DCDC1: variants seen among roughly 807,000 people sequenced by gnomAD.
DCDC1 encodes doublecortin domain-containing protein 1.
Under a neutral mutation model 178.3 loss-of-function variants are expected in DCDC1, and 200 were observed. The observed-to-expected ratio is 1.12, with a 90% CI of 1.00 to 1.26. The LOEUF (loss-of-function observed/expected upper bound fraction) is 1.26, where lower values mean the gene tolerates loss of function less well. Ranked by LOEUF, DCDC1 falls within the 50% of genes most tolerant of loss-of-function variation. DCDC1 has a pLI of 0.00. For missense variants in DCDC1, 1,983 were observed against 1,749.2 expected, an observed-to-expected ratio of 1.13 and a Z score of -2.38; for synonymous variants, 690 against 604.8, an observed-to-expected ratio of 1.14 and a Z score of -2.07.
chr11:30,980,537 G>C (rs1456474488), intron 20 of DCDC1, among the ~76,000 whole-genome samples: 2 of 152,198 alleles, frequency 1.3e-5, no homozygotes, highest in Admixed American at 6.5e-5. Flanking sequence ...GGATGGTGTG[G>C]CTGTGAATTT....
At position 31,096,688 on chromosome 11, in the gene DCDC1, A is replaced by G. The variant is rs563513633; in HGVS notation, c.1984-2504T>C. Among the ~76,000 whole-genome samples, 8 of 150,908 alleles carry G rather than the reference A, an allele frequency of 5.3e-5. No homozygotes were observed. In the East Asian group the frequency reaches 1.6e-3, roughly 29 times the overall value. The stretch of plus-strand genomic sequence containing the variant: ...GCAAGGCCCACTAACCCAGCTTTAT[A>G]TTGTGTTATTAAAAAAAAAAAAAAT... On this transcript the variant is annotated intron_variant, in intron 15 of 38. Coordinates refer to ENST00000684477, the MANE Select transcript of DCDC1 (RefSeq NM_001387274.1).
In DCDC1 at chr11:31,262,307, T is replaced by C. The variant is rs919838993; in HGVS notation, c.1054+3200A>G. On this transcript the variant is annotated intron_variant, in intron 8 of 38. Transcript: ENST00000684477. Reference sequence around the variant, plus strand: ...AAATTGTCTATGGCTTAGAATAAAATCTAAAAATAAGCAATTTGCCAATCC... The same window carrying C: ...AAATTGTCTATGGCTTAGAATAAAACCTAAAAATAAGCAATTTGCCAATCC... 4.6e-5 allele frequency among the ~76,000 whole-genome samples: 7 copies of C among 151,448 alleles called. No homozygotes were observed. The East Asian group carries it at 1.4e-3, about 29-fold the overall frequency.
chr11:31,305,350 T>A (rs1194771012), intron 6 of DCDC1, among the ~76,000 whole-genome samples: 1 of 152,168 alleles, frequency 6.6e-6, no homozygotes, highest in Non-Finnish European at 1.5e-5. Context: ...TTTATTATAT[T>A]TTCACCATTT....
intron 9 of DCDC1, among the ~76,000 whole-genome samples, chr11:31,181,196 A>G (rs1968754848): frequency 6.6e-6 from 1 of 152,206 alleles, no homozygotes; most frequent in African/African-American, 2.4e-5. Context: ...CATATCTGAA[A>G]GAAAGGCAGC....
chr11:31,124,263 A>T (rs769142758), intron 11 of DCDC1, among the ~76,000 whole-genome samples: 14 of 152,100 alleles, frequency 9.2e-5, no homozygotes, highest in Non-Finnish European at 1.6e-4. Flanking sequence ...GATTTTCTGC[A>T]TCTCTTGAGA....
chr11:31,324,250 C>A (rs563119512), intron 3 of DCDC1, among the ~76,000 whole-genome samples: 1 of 151,974 alleles, frequency 6.6e-6, no homozygotes, highest in South Asian at 2.1e-4. Flanking sequence ...AGAACAATTT[C>A]CAAGATTCAT....
At chr11:31,237,924 C>T (rs530055003) in intron 9 of DCDC1, among the ~76,000 whole-genome samples, 1 of 152,086 alleles carries the variant, frequency 6.6e-6, no homozygotes, top group South Asian at 2.1e-4. Context: ...GGCTATGACT[C>T]TTCCTAATTA....
chr11:31,236,460 T>C (rs887710682), intron 9 of DCDC1, among the ~76,000 whole-genome samples: 4 of 152,032 alleles, frequency 2.6e-5, no homozygotes, highest in African/African-American at 9.7e-5. Flanking sequence ...GCTGACACCT[T>C]TTTTAAAAAG....
intron 20 of DCDC1, among the ~76,000 whole-genome samples, chr11:31,048,498 A>C (rs559156086): frequency 6.6e-6 from 1 of 152,200 alleles, no homozygotes; most frequent in African/African-American, 2.4e-5. Flanking sequence ...GAAAGCCCCA[A>C]TTAGAGACTT....
intron 8 of DCDC1, among the ~76,000 whole-genome samples, chr11:31,243,733 A>T (rs1977473143): frequency 6.6e-6 from 1 of 151,888 alleles, no homozygotes; most frequent in South Asian, 2.1e-4. Flanking sequence ...AACAGCTCCC[A>T]TGTTCCACAT....
chr11:31,143,879 A>G (rs1386836322), intron 9 of DCDC1, among the ~76,000 whole-genome samples: 1 of 152,194 alleles, frequency 6.6e-6, no homozygotes, highest in East Asian at 1.9e-4. Flanking sequence ...CCAAGCTTCC[A>G]AAGCCAGGGA....
At chr11:31,065,331 G>A (rs564096826) in intron 18 of DCDC1, among the ~76,000 whole-genome samples, 178 bp from the exon 19 acceptor site, 2 of 152,104 alleles carry the variant, frequency 1.3e-5, no homozygotes, top group South Asian at 2.1e-4. Flanking sequence ...TAATATTAAC[G>A]TTTCTAATTA....
intron 1 of DCDC1, among the ~76,000 whole-genome samples, chr11:31,366,307 A>C (rs908166715): frequency 2.0e-5 from 3 of 152,232 alleles, no homozygotes; most frequent in African/African-American, 7.2e-5. Flanking sequence ...AGATACTGAG[A>C]AACAAAACTA....
intron 32 of DCDC1, among the ~76,000 whole-genome samples, chr11:30,901,663 T>C (rs897356875): frequency 2.6e-5 from 4 of 152,138 alleles, no homozygotes; most frequent in East Asian, 1.9e-4. Flanking sequence ...AATGCCCTTT[T>C]GATAGTCCTA....
intron 18 of DCDC1, among the ~76,000 whole-genome samples, chr11:31,070,358 A>G (rs1344416038): frequency 1.3e-5 from 2 of 152,036 alleles, no homozygotes; most frequent in Non-Finnish European, 2.9e-5. Context: ...CCAGTGCATC[A>G]CCCTAAACGG....
intron 32 of DCDC1, among the ~76,000 whole-genome samples, chr11:30,902,969 G>T (rs1944804435): frequency 6.6e-6 from 1 of 152,104 alleles, no homozygotes; most frequent in Admixed American, 6.6e-5. Flanking sequence ...GATGGATATT[G>T]ACTGGAGCTT....
At chr11:31,252,622 T>C (rs1325567257) in intron 8 of DCDC1, among the ~76,000 whole-genome samples, 3 of 151,782 alleles carry the variant, frequency 2.0e-5, no homozygotes, top group Non-Finnish European at 2.9e-5. Flanking sequence ...AATACTGAAA[T>C]AACTAGACAG....
chr11:31,150,992 G>A (rs988078996), intron 9 of DCDC1, among the ~76,000 whole-genome samples: 1 of 152,084 alleles, frequency 6.6e-6, no homozygotes, highest in Admixed American at 6.6e-5. Context: ...AAAAGTGAAC[G>A]GAAATGAGAA....
chr11:30,897,895 T>C (rs903073869), intron 34 of DCDC1, among the ~76,000 whole-genome samples: 2 of 152,070 alleles, frequency 1.3e-5, no homozygotes, highest in African/African-American at 4.8e-5. Context: ...AAGTTCAAAG[T>C]GGGATAAACC....
Sources: gnomAD v4.1 joint callset for allele counts (sites outside exome capture counted in the v4.1 genomes callset) on GRCh38, gnomAD v4.1.1 for gene constraint, MANE v1.5 for transcripts, NCBI Gene and HGNC (gene_info 2026-07-23, HGNC 2026-07-21) for gene names.